The following ENTPD1 variants were observed in gnomAD, a reference collection of about 807,000 sequenced individuals.
ENTPD1 encodes the protein ectonucleoside triphosphate diphosphohydrolase 1.
Under a neutral mutation model 57.0 loss-of-function variants are expected in ENTPD1, and 33 were observed. The observed-to-expected ratio is 0.58, with a 90% confidence interval of 0.44 to 0.77. The LOEUF is 0.77. Ranked by LOEUF, ENTPD1 falls within the 30% of genes least tolerant of loss-of-function variation. The pLI is 0.00. For missense variants in ENTPD1, 501 were observed against 603.4 expected, an observed-to-expected ratio of 0.83 and a Z score of 1.78; for synonymous variants, 202 against 218.8, an observed-to-expected ratio of 0.92 and a Z score of 0.68.
chr10:95,825,839 A>G (rs1054406304), intron 2 of ENTPD1, among the ~76,000 whole-genome samples: 13 of 152,144 alleles, frequency 8.5e-5, no homozygotes, highest in African/African-American at 2.9e-4. Flanking sequence ...CAGCCTCCCA[A>G]AATGCTGGGA....
At chr10:95,800,713 G>A (rs1352200764) in intron 1 of ENTPD1, among the ~76,000 whole-genome samples, 1 of 152,142 alleles carries the variant, frequency 6.6e-6, no homozygotes, top group Non-Finnish European at 1.5e-5. Context: ...CTATCTATAG[G>A]CTTTCTGCAA....
At chr10:95,726,480 C>G (rs1253025243) in intron 1 of ENTPD1, among the ~76,000 whole-genome samples, 1 of 152,158 alleles carries the variant, frequency 6.6e-6, no homozygotes, top group Non-Finnish European at 1.5e-5. Flanking sequence ...AGATTCTGTT[C>G]ATTTTCCTTC....
the ENTPD1 span, among the ~76,000 whole-genome samples, chr10:95,695,041 C>G: frequency 6.6e-6 from 1 of 151,540 alleles, no homozygotes; most frequent in Admixed American, 6.6e-5. Flanking sequence ...GCTGGGATGA[C>G]AGGCACGCGC....
In ENTPD1 at chr10:95,834,238, T is replaced by C. The variant is rs576989292; in HGVS notation, c.145-5453T>C. ...TAGTAGGATATACCATCGTGGATGC[T>C]GTATATACTGTGGTAAACAAAGTAG... On this transcript the variant is annotated intron_variant, in intron 2 of 9. Transcript: ENST00000371205. Among the ~76,000 whole-genome samples the C allele has an allele frequency of 2.0e-5, 3 of 152,382 alleles. 1 individual carries two copies. The South Asian group carries it at 6.2e-4, about 32-fold the overall frequency.
rs548299586 is a variant in ENTPD1, at chr10:95,835,625, C to T, written c.145-4066C>T. On this transcript the variant is annotated intron_variant, in intron 2 of 9. Coordinates refer to ENST00000371205, the MANE Select transcript of ENTPD1 (RefSeq NM_001776.6). Reference sequence around the variant, plus strand: ...TGTTATTTTCTGACTTCTTAATAGCCATTCTGACTGGTATAAGATGGTATC... The same window carrying T: ...TGTTATTTTCTGACTTCTTAATAGCTATTCTGACTGGTATAAGATGGTATC... Among the ~76,000 whole-genome samples the T allele has an allele frequency of 2.0e-5, 3 of 152,300 alleles. No individual in the cohort carries two copies. In the South Asian group the frequency reaches 6.2e-4, roughly 32 times the overall value.
chr10:95,869,001 T>C lies in ENTPD1; in HGVS notation c.*2618T>C. On this transcript the variant is annotated 3_prime_UTR_variant, in exon 10 of 10. Transcript: ENST00000371205. ...TTTAGAGGCAGATCCAGCAATCTGCTTTGGGCCACTCTGGGTGGGGTAGGT... is the reference window on the plus strand; with the variant it reads ...TTTAGAGGCAGATCCAGCAATCTGCCTTGGGCCACTCTGGGTGGGGTAGGT... The C allele has an allele frequency of 1.0e-6, 1 of 985,364 alleles. No homozygotes were observed. Among genetic ancestry groups the C allele is most frequent in the Non-Finnish European group, 1.2e-6 (1 of 829,924 alleles). 61.0% of individuals were successfully genotyped at this position (985,364 alleles called of 1,614,324 possible).
At chr10:95,833,539 G>C (rs1191599437) in intron 2 of ENTPD1, 2 of 151,932 alleles carry the variant, frequency 1.3e-5, no homozygotes, top group Non-Finnish European at 1.5e-5. Context: ...TAAAGCTACA[G>C]GAACTTTTAA....
the ENTPD1 span, among the ~76,000 whole-genome samples, chr10:95,704,162 G>A: frequency 6.6e-6 from 1 of 152,088 alleles, no homozygotes; most frequent in Non-Finnish European, 1.5e-5. Context: ...AAACCTAAAT[G>A]AGAGCTGCAC....
At chr10:95,749,575 C>A (rs1316066623) in intron 1 of ENTPD1, among the ~76,000 whole-genome samples, 1 of 152,128 alleles carries the variant, frequency 6.6e-6, no homozygotes. Context: ...TTACAAATAG[C>A]CATCTTGGTG....
intron 1 of ENTPD1, among the ~76,000 whole-genome samples, chr10:95,820,476 A>T (rs189528069): frequency 2.6e-5 from 4 of 152,344 alleles, no homozygotes; most frequent in Non-Finnish European, 2.9e-5. Context: ...GACAAGAAGA[A>T]GTTAGTAAAT....
chr10:95,712,254 G>A (rs1024351936), intron 1 of ENTPD1, among the ~76,000 whole-genome samples: 44 of 152,098 alleles, frequency 2.9e-4, no homozygotes, highest in Non-Finnish European at 1.2e-4. Context: ...GATGCCATAG[G>A]GTAGGACATG....
chr10:95,767,764 G>A (rs2098095687), intron 1 of ENTPD1, among the ~76,000 whole-genome samples: 1 of 152,054 alleles, frequency 6.6e-6, no homozygotes, highest in African/African-American at 2.4e-5. Context: ...CAAGTCATTG[G>A]AAATATTCCT....
rs2098476020 is a variant in ENTPD1 at position 95,867,740 on chromosome 10, G to A, written c.*1357G>A. 8 of 985,424 alleles carry A rather than the reference G, an allele frequency of 8.1e-6. No individual in the cohort carries two copies. The highest frequency in any genetic ancestry group is 9.6e-6 in the Non-Finnish European group (8 of 829,932). 61.0% of individuals were successfully genotyped at this position (985,424 alleles called of 1,614,324 possible). A position where few individuals can be genotyped will look rare whatever the true frequency, so the allele number is the denominator to read the frequency against. On this transcript the variant is annotated 3_prime_UTR_variant, in exon 10 of 10. Coordinates refer to ENST00000371205, the MANE Select transcript of ENTPD1 (RefSeq NM_001776.6). Reference sequence around the variant, plus strand: ...GGATTGACTGGTGATGTTTCATTCTGACCTTGTCCCAAGCTCTCCATCTCT... The same window carrying A: ...GGATTGACTGGTGATGTTTCATTCTAACCTTGTCCCAAGCTCTCCATCTCT...
At chr10:95,806,796 T>C (rs1345213431) in intron 1 of ENTPD1, among the ~76,000 whole-genome samples, 1 of 152,082 alleles carries the variant, frequency 6.6e-6, no homozygotes, top group Admixed American at 6.5e-5. Context: ...CCAGACCCTG[T>C]TTGTCTGGGT....
At chr10:95,781,552 C>A (rs962401456) in intron 1 of ENTPD1, among the ~76,000 whole-genome samples, 16 of 151,710 alleles carry the variant, frequency 1.1e-4, no homozygotes, top group African/African-American at 3.9e-4. Context: ...CTCAAGTACC[C>A]CATAAATATA....
At chr10:95,719,991 T>C (rs1023215431) in intron 1 of ENTPD1, among the ~76,000 whole-genome samples, 2 of 152,208 alleles carry the variant, frequency 1.3e-5, no homozygotes, top group African/African-American at 4.8e-5. Context: ...CAGCTGGGTA[T>C]GGAGGGACAA....
intron 1 of ENTPD1, among the ~76,000 whole-genome samples, chr10:95,746,923 TAC>T (rs1396223562): frequency 6.6e-6 from 1 of 152,214 alleles, no homozygotes; most frequent in Non-Finnish European, 1.5e-5. Flanking sequence ...GAAAATTTGA[TAC>T]AGTTTTCCAA....
intron 1 of ENTPD1, among the ~76,000 whole-genome samples, chr10:95,758,629 A>G (rs2098041391): frequency 6.6e-6 from 1 of 152,048 alleles, no homozygotes; most frequent in African/African-American, 2.4e-5. Flanking sequence ...TATTTTCTGT[A>G]TTCACCTTTA....
chr10:95,735,831 A>G (rs1294201597), intron 1 of ENTPD1, among the ~76,000 whole-genome samples: 1 of 152,014 alleles, frequency 6.6e-6, no homozygotes, highest in Admixed American at 6.6e-5. Flanking sequence ...TCCTGACCTC[A>G]GGTGATCCAC....
Sources: allele counts gnomAD v4.1 joint callset (sites outside exome capture counted in the v4.1 genomes callset), GRCh38; gene constraint gnomAD v4.1.1; transcripts MANE v1.5; gene names NCBI Gene and HGNC (gene_info 2026-07-23, HGNC 2026-07-21).